Variants in SRRT observed in about 807,000 individuals in gnomAD.
SRRT encodes serrate RNA effector molecule homolog.
In SRRT, 32 loss-of-function variants were observed where a neutral mutation model predicts 103.2. The observed-to-expected ratio is 0.31, with a 90% CI of 0.23 to 0.42. The LOEUF (loss-of-function observed/expected upper bound fraction) is 0.42. SRRT is among the 10% of genes least tolerant of loss of function. The pLI, the probability that SRRT is intolerant of heterozygous loss-of-function variation, is 1.00. For synonymous variants in SRRT, 525 were observed against 449.0 expected (o/e 1.17, Z -2.14); for missense variants, 986 against 1,207.5 (o/e 0.82, Z 2.72).
chr7:100,884,644 GA>G, intron 7 of SRRT, 92 bp downstream of exon 7: 3 of 1,025,432 alleles, frequency 2.9e-6, no homozygotes, highest in Non-Finnish European at 2.8e-6. Flanking sequence ...GGGGGCTGGG[GA>G]AAATGAACCT....
At position 100,887,617 on chromosome 7, in the gene SRRT, C is replaced by T. The variant is rs974544046; in HGVS notation, c.2170-86C>T. ...GGGAACTGCTTACTGCACTGGCAGG[C>T]GGGAGCTGGGAATCCTTCCAGCTCG... On this transcript the variant is annotated intron_variant, in intron 16 of 19. Transcript: ENST00000611405. The surrounding 1 kb of genome is among the most constrained non-coding windows in gnomAD (Gnocchi z 4.1). 48 of 1,575,102 alleles carry T rather than the reference C, an allele frequency of 3.0e-5. No individual in the cohort carries two copies. The Admixed American group carries it at 6.6e-4, about 22-fold the overall frequency.
rs750649887 is a variant in SRRT, at chr7:100,885,675, T to G, written c.1318-26T>G. On this transcript the variant is annotated intron_variant, in intron 10 of 19. Coordinates refer to ENST00000611405, the MANE Select transcript of SRRT (RefSeq NM_015908.6). This position sits in a 1 kb window ranked among gnomAD's most constrained non-coding sequence, Gnocchi z 4.8. Reference sequence around the variant, plus strand: ...AAGCGAATGAATCCTTGAGTCACTGTGGGGCTGCTTTTCTGCTTCTTGCAG... The same window carrying G: ...AAGCGAATGAATCCTTGAGTCACTGGGGGGCTGCTTTTCTGCTTCTTGCAG... 5 of 1,593,648 alleles carry G rather than the reference T, an allele frequency of 3.1e-6. No individual in the cohort carries two copies. The African/African-American group carries it at 4.0e-5, about 13-fold the overall frequency.
Position 100,886,898 on chromosome 7 carries a change from C to T in SRRT, c.1751C>T (p.Pro584Leu). The stretch of plus-strand genomic sequence containing the variant: ...CTGCTGGGGAGCAGCGGGGGCGCTC[C>T]TCCTGAGGAGCCTCCTAAGGAAGGG... ...EELLGSSGGA[P>L]PEEPPKEGNP... The change falls in exon 14 of 20, where the codon CCT becomes CTT. Residue 584 changes from proline (P) to leucine (L), a missense_variant. Physicochemically the swap from Pro to Leu is moderately conservative, Grantham distance 98. Transcript: ENST00000611405. The T allele has an allele frequency of 6.2e-7, 1 of 1,614,034 alleles. No individual in the cohort carries two copies. Among genetic ancestry groups the T allele is most frequent in the Non-Finnish European group, 8.5e-7 (1 of 1,179,994 alleles).
chr7:100,881,751 G>T lies in SRRT; in HGVS notation c.344G>T (p.Trp115Leu). Residue 115 changes from tryptophan to leucine, a missense_variant, in exon 4 of 20, where the codon TGG (tryptophan) becomes TTG (leucine). By Grantham distance (61) the Trp-to-Leu change is moderately conservative. Around this residue, in one of 6 missense-constraint regions of SRRT, gnomAD observed 274 missense variants for 358.5 expected, o/e 0.76. Coordinates refer to ENST00000611405, the MANE Select transcript of SRRT (RefSeq NM_015908.6). ...GGPTYGPPQP[W>L]GHPDVHIMQH... ...CCAACTTATGGCCCCCCTCAGCCCT[G>T]GGGCCACCCTGACGTCCACATCATG... The T allele has an allele frequency of 6.2e-7, 1 of 1,613,826 alleles. No individual in the cohort carries two copies.
At chr7:100,880,054 G>A (rs918079528) in intron 2 of SRRT, among the ~76,000 whole-genome samples, 3 of 152,208 alleles carry the variant, frequency 2.0e-5, no homozygotes, top group African/African-American at 4.8e-5. Flanking sequence ...AGAAGCAGGC[G>A]GGCAGCCAGG....
At chr7:100,879,810 CAA>C (rs558063196) in intron 2 of SRRT, among the ~76,000 whole-genome samples, 448 of 108,768 alleles carry the variant, frequency 4.1e-3, no homozygotes, top group African/African-American at 0.015. Context: ...AGACTGTCTC[CAA>C]AAAAAAAAAA....
chr7:100,881,846 G>C, intron 4 of SRRT, 41 bp downstream of exon 4: 1 of 1,553,776 alleles, frequency 6.4e-7, no homozygotes, highest in Non-Finnish European at 8.6e-7. Flanking sequence ...GTAGGCCTGG[G>C]GGATGGATGG....
intron 2 of SRRT, among the ~76,000 whole-genome samples, chr7:100,879,380 G>A (rs1399705705): frequency 6.6e-6 from 1 of 152,132 alleles, no homozygotes; most frequent in African/African-American, 2.4e-5. Context: ...ATTCATTACA[G>A]ATGTGAGCCA....
In SRRT at chr7:100,887,626, G is replaced by T. The variant is rs1028847731; in HGVS notation, c.2170-77G>T. 3 of 1,576,582 alleles carry T rather than the reference G, an allele frequency of 1.9e-6. No individual in the cohort carries two copies. The highest frequency in any genetic ancestry group is 2.6e-6 in the Non-Finnish European group (3 of 1,157,140). On this transcript the variant is annotated intron_variant, in intron 16 of 19. Coordinates refer to ENST00000611405, the MANE Select transcript of SRRT (RefSeq NM_015908.6). This position sits in a 1 kb window ranked among gnomAD's most constrained non-coding sequence, Gnocchi z 4.1. ...TTACTGCACTGGCAGGCGGGAGCTG[G>T]GAATCCTTCCAGCTCGGGCCTGGGA...
rs6942607 is a variant in SRRT at position 100,884,905 on chromosome 7, C to G, written c.1042-18C>G. On this transcript the variant is annotated intron_variant, in intron 8 of 19. Transcript: ENST00000611405. ...GTTCTGGCACGCTGACTTGTCCCCTCTGCTGTGGCTCACACAGAGTAGCAA... is the reference window on the plus strand; with the variant it reads ...GTTCTGGCACGCTGACTTGTCCCCTGTGCTGTGGCTCACACAGAGTAGCAA... The G allele has an allele frequency of 0.48, 772,055 of 1,613,416 alleles. 193,232 individuals carry two copies. Among genetic ancestry groups the G allele is most frequent in the East Asian group, 0.82 (36,666 of 44,848 alleles).
chr7:100,884,123 G>C lies in SRRT; in HGVS notation c.641G>C (p.Arg214Pro). 2 of 1,611,330 alleles carry C rather than the reference G, an allele frequency of 1.2e-6. No individual in the cohort carries two copies. Among genetic ancestry groups the C allele is most frequent in the Non-Finnish European group, 1.7e-6 (2 of 1,179,132 alleles). The change falls in exon 6 of 20, where the codon CGG becomes CCG. Residue 214 changes from arginine to proline, a missense_variant. Coordinates refer to ENST00000611405, the MANE Select transcript of SRRT (RefSeq NM_015908.6). ...GTGGGGAAGCGTCGGCAGGAGGCCC[G>C]GGGGGCCCTGCAAAACCGACTGAGG... ...DEVGKRRQEA[R>P]GALQNRLRVF...
rs757653378 is a variant in SRRT, at chr7:100,886,363, C to T, written c.1575C>T (p.Ala525=). 6.2e-7 allele frequency: 1 copy of T among 1,613,830 alleles called. No individual in the cohort carries two copies. Among genetic ancestry groups the T allele is most frequent in the East Asian group, 2.2e-5 (1 of 44,888 alleles). Residue 525 remains alanine (A), a synonymous_variant, in exon 13 of 20, where the codon GCC becomes GCT. Transcript: ENST00000611405. ...TGCGCAACGACATCAAGCTGGCGGC[C>T]AAGCTGATCCACACGCTGGATGACA... ...QIVRNDIKLA[A]KLIHTLDDRT... is the part of the protein sequence containing the mutation.
At chr7:100,886,538 T>C (rs1790121066) in intron 13 of SRRT, 103 bp downstream of exon 13, 1 of 1,253,814 alleles carries the variant, frequency 8.0e-7, no homozygotes. Flanking sequence ...TTGCACCCAC[T>C]CGCCTGCTCA....
In SRRT at chr7:100,887,011, G is replaced by C; in HGVS notation, c.1822-36G>C. The C allele has an allele frequency of 3.7e-6, 6 of 1,612,014 alleles. No homozygotes were observed. The highest frequency in any genetic ancestry group is 5.1e-6 in the Non-Finnish European group (6 of 1,178,348). On this transcript the variant is annotated intron_variant, in intron 14 of 19. Transcript: ENST00000611405. The surrounding 1 kb of genome is among the most constrained non-coding windows in gnomAD (Gnocchi z 4.1). The stretch of plus-strand genomic sequence containing the variant: ...GGGCACGTGGGGGCTCGGGCGGTGA[G>C]GGCAGGAGCTGAACGCTCGCATTCA...
chr7:100,885,474 T>C lies in SRRT; in HGVS notation c.1317+104T>C. 1 of 1,315,094 alleles carries C rather than the reference T, an allele frequency of 7.6e-7. No individual in the cohort carries two copies. Among genetic ancestry groups the C allele is most frequent in the Admixed American group, 2.3e-5 (1 of 42,712 alleles). 81.5% of individuals were successfully genotyped at this position (1,315,094 alleles called of 1,614,324 possible). ...TGACAGATGCCCCCGTTTCACCTGC[T>C]AGGGAGGCCCCTTCCCCAGGTTCCA... On this transcript the variant is annotated intron_variant, in intron 10 of 19. Transcript: ENST00000611405. The surrounding 1 kb of genome is among the most constrained non-coding windows in gnomAD (Gnocchi z 4.8).
chr7:100,887,663 C>T lies in SRRT; in HGVS notation c.2170-40C>T, dbSNP rs765880552. On this transcript the variant is annotated intron_variant, in intron 16 of 19. Transcript: ENST00000611405. This position sits in a 1 kb window ranked among gnomAD's most constrained non-coding sequence, Gnocchi z 4.1. ...GCTCGGGCCTGGGAGCGAGGCAACC[C>T]TTATGTGGCTGTCCTGACCCCTCTC... The T allele has an allele frequency of 1.3e-6, 2 of 1,592,068 alleles. No individual in the cohort carries two copies. Among genetic ancestry groups the T allele is most frequent in the South Asian group, 1.1e-5 (1 of 89,260 alleles).
At chr7:100,875,773 CTT>C in intron 2 of SRRT, 61 bp downstream of exon 2, 4 of 1,598,020 alleles carry the variant, frequency 2.5e-6, no homozygotes, top group Non-Finnish European at 3.4e-6. Flanking sequence ...ACCCGCGTCG[CTT>C]TTCTTTCTCC....
rs869150232 is a variant in SRRT, at chr7:100,877,419, C to CAAA, written c.122+1727_122+1729dup. ...CTGGCGACAGAGCAAGACTCTGTCT[C>CAAA]AAAAAAAAAAAAAAAAAAAAAAGCC... On this transcript the variant is annotated intron_variant, in intron 2 of 19. Coordinates refer to ENST00000611405, the MANE Select transcript of SRRT (RefSeq NM_015908.6). 4.9e-4 allele frequency among the ~76,000 whole-genome samples: 34 copies of CAAA among 69,066 alleles called. 1 individual carries two copies. The highest frequency in any genetic ancestry group is 1.4e-3 in the African/African-American group (23 of 16,804). The allele number at this position is 69,066 out of a possible 152,430, so 45.3% of individuals were successfully genotyped here. A position where few individuals can be genotyped will look rare whatever the true frequency, so the allele number is the denominator to read the frequency against.
In SRRT at chr7:100,884,914, C is replaced by T. The variant is rs757919918; in HGVS notation, c.1042-9C>T. ...CGCTGACTTGTCCCCTCTGCTGTGG[C>T]TCACACAGAGTAGCAAGAAGCGGAA... On this transcript the variant is annotated splice_polypyrimidine_tract_variant and intron_variant, in intron 8 of 19. Transcript: ENST00000611405. 6.2e-7 allele frequency: 1 copy of T among 1,613,976 alleles called. No individual in the cohort carries two copies. Among genetic ancestry groups the T allele is most frequent in the Non-Finnish European group, 8.5e-7 (1 of 1,179,964 alleles).
Sources: gnomAD v4.1 joint callset for allele counts (sites outside exome capture counted in the v4.1 genomes callset) on GRCh38, gnomAD v4.1.1 for gene constraint, gnomAD v4.1.1 regional missense constraint, Gnocchi (gnomAD v3.1) non-coding constraint, MANE v1.5 for transcripts, NCBI Gene and HGNC (gene_info 2026-07-23, HGNC 2026-07-21) for gene names.